TBX20: variants seen among roughly 807,000 people sequenced by gnomAD.
TBX20 encodes the protein T-box transcription factor 20.
A neutral mutation model predicts 42.9 loss-of-function variants in TBX20; 8 were observed. The observed-to-expected ratio is 0.19, with a 90% confidence interval of 0.11 to 0.34. The LOEUF (loss-of-function observed/expected upper bound fraction) is 0.34. Among genes scored for constraint, TBX20 ranks in the 10% least tolerant of loss-of-function variants. TBX20 has a pLI of 1.00. For synonymous variants in TBX20, 198 were observed against 222.8 expected (o/e 0.89, Z 0.99); for missense variants, 411 against 566.0 (o/e 0.73, Z 2.78).
chr7:35,238,873 CATT>C (rs933157823), intron 5 of TBX20, among the ~76,000 whole-genome samples: 1 of 123,398 alleles, frequency 8.1e-6, no homozygotes, highest in African/African-American at 2.8e-5. Flanking sequence ...TTCTCTATCT[CATT>C]AATACACCAC....
chr7:35,237,119 T>C (rs996566251), intron 5 of TBX20, among the ~76,000 whole-genome samples: 1 of 152,194 alleles, frequency 6.6e-6, no homozygotes, highest in Non-Finnish European at 1.5e-5. Flanking sequence ...AACCTCGTAC[T>C]GGTTCTGTCA....
At chr7:35,236,498 A>G (rs1170094131) in intron 5 of TBX20, among the ~76,000 whole-genome samples, 1 of 152,210 alleles carries the variant, frequency 6.6e-6, no homozygotes, top group East Asian at 1.9e-4. Flanking sequence ...TAGAAGGCCT[A>G]GAAAGAGTCA....
chr7:35,238,915 A>G (rs889186545), intron 5 of TBX20, among the ~76,000 whole-genome samples: 3 of 151,818 alleles, frequency 2.0e-5, no homozygotes, highest in Non-Finnish European at 4.4e-5. Flanking sequence ...ATGGTGACAA[A>G]TTCTTTTTTT....
At chr7:35,234,676 C>A (rs955419885) in intron 5 of TBX20, among the ~76,000 whole-genome samples, 1 of 152,094 alleles carries the variant, frequency 6.6e-6, no homozygotes, top group African/African-American at 2.4e-5. Context: ...TACCAATTAG[C>A]CACAGCAATG....
intron 6 of TBX20, among the ~76,000 whole-genome samples, chr7:35,226,674 C>T (rs1020674812): frequency 4.6e-5 from 7 of 152,068 alleles, no homozygotes; most frequent in Admixed American, 1.3e-4. Flanking sequence ...AACATCAGAA[C>T]GGAGCTGAAA....
intron 6 of TBX20, among the ~76,000 whole-genome samples, chr7:35,216,454 G>A (rs1273018703): frequency 6.6e-6 from 1 of 152,246 alleles, no homozygotes; most frequent in Non-Finnish European, 1.5e-5. Flanking sequence ...GTAAAATAAG[G>A]ATATCAATAT....
At chr7:35,220,542 C>CT (rs1789664150) in intron 6 of TBX20, among the ~76,000 whole-genome samples, 1 of 152,208 alleles carries the variant, frequency 6.6e-6, no homozygotes, top group Non-Finnish European at 1.5e-5. Flanking sequence ...CGACAACTCT[C>CT]TAACTTAAAC....
At chr7:35,243,023 G>T (rs554696542) in intron 4 of TBX20, among the ~76,000 whole-genome samples, 2 of 152,138 alleles carry the variant, frequency 1.3e-5, no homozygotes, top group Admixed American at 1.3e-4. Flanking sequence ...TGTCACCCAG[G>T]CTGAATTGCA....
chr7:35,227,303 C>T (rs182924046), intron 6 of TBX20, among the ~76,000 whole-genome samples: 261 of 152,012 alleles, frequency 1.7e-3, no homozygotes, highest in African/African-American at 6.1e-3. Flanking sequence ...TTAGTGTAGC[C>T]TAAGTGTACA....
chr7:35,251,098 C>G (rs1423681300), intron 1 of TBX20, among the ~76,000 whole-genome samples: 1 of 152,202 alleles, frequency 6.6e-6, no homozygotes, highest in African/African-American at 2.4e-5. Flanking sequence ...ACCAAACATT[C>G]TCCCCCACAG....
rs1161328573 is a variant in TBX20, at chr7:35,202,597, G to T, written c.1177C>A (p.Leu393Met). 2 of 1,613,952 alleles carry T rather than the reference G, an allele frequency of 1.2e-6. No individual in the cohort carries two copies. Among genetic ancestry groups the T allele is most frequent in the African/African-American group, 1.3e-5 (1 of 74,932 alleles). Residue 393 changes from leucine (L) to methionine (M), a missense_variant, in exon 8 of 8, where the codon CTG (leucine) becomes ATG (methionine). Leu to Met is a conservative substitution (Grantham distance 15, BLOSUM62 2). This residue lies in a region of TBX20 where 162 missense variants were observed against 205.4 expected (regional missense o/e 0.79). Transcript: ENST00000408931. ...IQGSLPPYSR[L>M]GMPLTPSAIA... is the part of the protein sequence containing the mutation. ...GCCGATGGTGTCAGAGGCATTCCCA[G>T]TCGGCTATATGGTGGCAGAGAACCC...
chr7:35,248,639 C>T, intron 3 of TBX20, 38 bp downstream of exon 3: 4 of 1,609,988 alleles, frequency 2.5e-6, no homozygotes, highest in Non-Finnish European at 3.4e-6. Flanking sequence ...GACAGATGCA[C>T]TAACAGTTTT....
chr7:35,212,577 T>C (rs1198761570), intron 6 of TBX20, among the ~76,000 whole-genome samples: 3 of 152,128 alleles, frequency 2.0e-5, no homozygotes, highest in Non-Finnish European at 4.4e-5. Context: ...TACCTGGAAA[T>C]AATTTGATCC....
At chr7:35,206,125 T>A (rs529443959) in intron 6 of TBX20, among the ~76,000 whole-genome samples, 8 of 152,342 alleles carry the variant, frequency 5.3e-5, no homozygotes, top group Middle Eastern at 3.4e-3. Context: ...CAGGGTGAAA[T>A]CAGGGACTTG....
intron 5 of TBX20, among the ~76,000 whole-genome samples, chr7:35,234,976 G>C (rs2128713887): frequency 6.6e-6 from 1 of 152,094 alleles, no homozygotes; most frequent in East Asian, 1.9e-4. Flanking sequence ...AATCTACTAG[G>C]GTGTCCACAA....
chr7:35,226,765 T>C (rs897213207), intron 6 of TBX20, among the ~76,000 whole-genome samples: 3 of 152,158 alleles, frequency 2.0e-5, no homozygotes, highest in African/African-American at 7.2e-5. Context: ...AAATACATCA[T>C]ACTTGATTAA....
chr7:35,223,797 A>G (rs1322774246), intron 6 of TBX20, among the ~76,000 whole-genome samples: 1 of 152,188 alleles, frequency 6.6e-6, no homozygotes. Flanking sequence ...GAGAACATAC[A>G]AAAGTTTTTC....
chr7:35,243,473 G>A (rs930903916), intron 4 of TBX20, among the ~76,000 whole-genome samples: 13 of 152,088 alleles, frequency 8.5e-5, no homozygotes, highest in African/African-American at 3.1e-4. Flanking sequence ...ATCTCAAAAT[G>A]ACTCTGAAGT....
chr7:35,230,347 C>T (rs1789846069), intron 6 of TBX20, among the ~76,000 whole-genome samples: 1 of 152,290 alleles, frequency 6.6e-6, no homozygotes, highest in South Asian at 2.1e-4. Flanking sequence ...TTTTCAATCA[C>T]AAGCTCAAGT....
Sources: gnomAD v4.1 joint callset for allele counts (sites outside exome capture counted in the v4.1 genomes callset) on GRCh38, gnomAD v4.1.1 for gene constraint, gnomAD v4.1.1 regional missense constraint, MANE v1.5 for transcripts, NCBI Gene and HGNC (gene_info 2026-07-23, HGNC 2026-07-21) for gene names.